Variants in CACNA2D3 observed in about 807,000 individuals in gnomAD.
CACNA2D3 encodes voltage-dependent calcium channel subunit alpha-2/delta-3.
CACNA2D3 carries 60 observed loss-of-function variants against 160.6 expected under a neutral mutation model. The ratio of observed to expected loss-of-function variants is 0.37; its 90% CI spans 0.30 to 0.46. The LOEUF (loss-of-function observed/expected upper bound fraction) is 0.46. Ranked by LOEUF, CACNA2D3 falls within the 20% of genes least tolerant of loss-of-function variation. The probability of loss-of-function intolerance (pLI) is 1.00; values close to 1 mark genes in which losing one functional copy is unlikely to be tolerated. For synonymous variants in CACNA2D3, 558 were observed against 492.9 expected, an observed-to-expected ratio of 1.13 and a Z score of -1.75; for missense variants, 1,205 against 1,365.0, an observed-to-expected ratio of 0.88 and a Z score of 1.85.
intron 2 of CACNA2D3, among the ~76,000 whole-genome samples, chr3:54,132,147 A>G (rs1428617484): frequency 2.6e-5 from 4 of 152,256 alleles, no homozygotes; most frequent in Non-Finnish European, 4.4e-5. Flanking sequence ...CTCAATGGGC[A>G]TAGGCTTTTG....
chr3:54,148,679 T>C (rs534590528), intron 2 of CACNA2D3, among the ~76,000 whole-genome samples: 137 of 152,228 alleles, frequency 9.0e-4, no homozygotes, highest in African/African-American at 3.2e-3. Context: ...GTTTTATGCC[T>C]TAAGAAGACA....
intron 27 of CACNA2D3, among the ~76,000 whole-genome samples, chr3:54,920,578 T>A (rs1478828303): frequency 6.6e-6 from 1 of 152,166 alleles, no homozygotes; most frequent in East Asian, 1.9e-4. Context: ...CAAAGTGCCA[T>A]TGAGATTAAG....
At chr3:54,620,137 G>A (rs1698951014) in intron 9 of CACNA2D3, among the ~76,000 whole-genome samples, 1 of 152,184 alleles carries the variant, frequency 6.6e-6, no homozygotes, top group African/African-American at 2.4e-5. Flanking sequence ...GTCTCACTGA[G>A]GAGTTGGGCA....
chr3:54,150,380 G>C (rs1023411251), intron 2 of CACNA2D3, among the ~76,000 whole-genome samples: 1 of 152,064 alleles, frequency 6.6e-6, no homozygotes, highest in African/African-American at 2.4e-5. Flanking sequence ...TTCATTCCAG[G>C]GGCAAGAGTA....
chr3:54,642,828 G>A (rs1213226746), intron 11 of CACNA2D3, among the ~76,000 whole-genome samples: 1 of 152,168 alleles, frequency 6.6e-6, no homozygotes, highest in Admixed American at 6.5e-5. Flanking sequence ...GGTGTATTCT[G>A]AGTGCCTGAA....
intron 4 of CACNA2D3, among the ~76,000 whole-genome samples, chr3:54,462,435 C>G (rs566743343): frequency 4.6e-5 from 7 of 152,280 alleles, no homozygotes; most frequent in African/African-American, 1.7e-4. Flanking sequence ...TCACTCAGGA[C>G]TTGCTTTATG....
chr3:54,923,671 G>T lies in CACNA2D3; in HGVS notation c.2449+23803G>T, dbSNP rs539546664. 7.9e-5 allele frequency among the ~76,000 whole-genome samples: 12 copies of T among 152,316 alleles called. No homozygotes were observed. The South Asian group carries it at 8.3e-4, about 11-fold the overall frequency. On this transcript the variant is annotated intron_variant, in intron 27 of 37. Transcript: ENST00000474759. ...AAGGCACTCAAATATAGAAATGAAT[G>T]AATCATGCTGAGAGCTAGGAAGAGT...
intron 4 of CACNA2D3, among the ~76,000 whole-genome samples, chr3:54,449,174 C>T (rs1442797169): frequency 3.9e-5 from 6 of 152,188 alleles, no homozygotes; most frequent in African/African-American, 1.4e-4. Flanking sequence ...TGCTACTAAT[C>T]ACACTCCATT....
At chr3:54,957,228 TA>T (rs1701921311) in intron 27 of CACNA2D3, among the ~76,000 whole-genome samples, 1 of 151,962 alleles carries the variant, frequency 6.6e-6, no homozygotes, top group African/African-American at 2.4e-5. Context: ...GGCACAATCA[TA>T]GCTCAATGCA....
At chr3:54,393,639 C>G (rs1404547502) in intron 4 of CACNA2D3, among the ~76,000 whole-genome samples, 1 of 152,216 alleles carries the variant, frequency 6.6e-6, no homozygotes, top group Non-Finnish European at 1.5e-5. Context: ...GGAATTGGTG[C>G]CTTGTCTGCC....
intron 3 of CACNA2D3, among the ~76,000 whole-genome samples, chr3:54,380,698 G>C (rs1699087612): frequency 6.6e-6 from 1 of 152,142 alleles, no homozygotes; most frequent in Admixed American, 6.5e-5. Context: ...GATCACCTGG[G>C]CAATAGAGTG....
chr3:54,306,523 G>C (rs1365104665), intron 2 of CACNA2D3, among the ~76,000 whole-genome samples: 1 of 152,218 alleles, frequency 6.6e-6, no homozygotes, highest in Non-Finnish European at 1.5e-5. Context: ...GGGGTCTGTA[G>C]GGAAAAGCAG....
chr3:54,765,916 G>T (rs1015687930), intron 13 of CACNA2D3, among the ~76,000 whole-genome samples: 1 of 152,098 alleles, frequency 6.6e-6, no homozygotes, highest in Non-Finnish European at 1.5e-5. Context: ...TAGCCATTTA[G>T]AGAAAAATAG....
chr3:54,647,162 G>A (rs1221819145), intron 11 of CACNA2D3, among the ~76,000 whole-genome samples: 1 of 152,140 alleles, frequency 6.6e-6, no homozygotes, highest in Non-Finnish European at 1.5e-5. Context: ...TAGACTTGTA[G>A]GATCATGAGC....
chr3:54,579,263 C>T (rs929351903), intron 8 of CACNA2D3, among the ~76,000 whole-genome samples: 3 of 152,146 alleles, frequency 2.0e-5, no homozygotes, highest in Non-Finnish European at 4.4e-5. Context: ...ATGTAAGAAG[C>T]CTGGAGGAAG....
intron 11 of CACNA2D3, among the ~76,000 whole-genome samples, chr3:54,673,240 A>T (rs2106901482): frequency 6.6e-6 from 1 of 152,328 alleles, no homozygotes; most frequent in African/African-American, 2.4e-5. Context: ...TCTTGGAAGT[A>T]TTCAGCCAAA....
chr3:54,912,977 C>T (rs1213134096), intron 27 of CACNA2D3, among the ~76,000 whole-genome samples: 2 of 152,070 alleles, frequency 1.3e-5, no homozygotes, highest in Non-Finnish European at 2.9e-5. Flanking sequence ...TTTTTAAACT[C>T]AGGGTCTCAG....
At chr3:54,413,262 T>C (rs1256387947) in intron 4 of CACNA2D3, among the ~76,000 whole-genome samples, 1 of 151,430 alleles carries the variant, frequency 6.6e-6, no homozygotes, top group Non-Finnish European at 1.5e-5. Flanking sequence ...TCCGCCAACA[T>C]TTGTATCTTT....
chr3:55,060,434 C>A (rs187741903), intron 35 of CACNA2D3, among the ~76,000 whole-genome samples: 2 of 152,058 alleles, frequency 1.3e-5, no homozygotes, highest in African/African-American at 4.8e-5. Context: ...TAGCATCAAG[C>A]AGGTCTAGCT....
Sources: gnomAD v4.1 joint callset for allele counts (sites outside exome capture counted in the v4.1 genomes callset) on GRCh38, gnomAD v4.1.1 for gene constraint, MANE v1.5 for transcripts, NCBI Gene and HGNC (gene_info 2026-07-23, HGNC 2026-07-21) for gene names.